The following KIAA1217 variants were observed in gnomAD, a reference collection of about 807,000 sequenced individuals.
KIAA1217 encodes KIAA1217, also known as sickle tail protein homolog.
In KIAA1217, 88 loss-of-function variants were observed where a neutral mutation model predicts 163.9. The ratio of observed to expected loss-of-function variants is 0.54; its 90% CI spans 0.45 to 0.64. The LOEUF (loss-of-function observed/expected upper bound fraction) is 0.64, where lower values mean the gene tolerates loss of function less well. Among genes scored for constraint, KIAA1217 ranks in the 30% least tolerant of loss-of-function variants. KIAA1217 has a pLI of 0.00. For synonymous variants in KIAA1217, 903 were observed against 923.1 expected, an observed-to-expected ratio of 0.98 and a Z score of 0.39; for missense variants, 2,372 against 2,475.0, an observed-to-expected ratio of 0.96 and a Z score of 0.88.
intron 1 of KIAA1217, among the ~76,000 whole-genome samples, chr10:23,719,599 T>TAAATAAATAAATAAACAAACAAACAAAC (rs1338495673): frequency 6.8e-6 from 1 of 147,742 alleles, no homozygotes; most frequent in African/African-American, 2.5e-5. Context: ...AATAAATAAA[T>TAAATAAATAAATAAACAAACAAACAAAC]AAATAAATAA....
chr10:23,746,302 C>T (rs1839413451), intron 1 of KIAA1217, among the ~76,000 whole-genome samples: 1 of 152,354 alleles, frequency 6.6e-6, no homozygotes, highest in Non-Finnish European at 1.5e-5. Context: ...TGAGTGGAAG[C>T]AGCTGAAGCT....
intron 10 of KIAA1217, among the ~76,000 whole-genome samples, chr10:24,519,005 T>C (rs534681198): frequency 3.3e-5 from 5 of 152,350 alleles, no homozygotes; most frequent in Admixed American, 3.3e-4. Context: ...ACATGTGGCA[T>C]CCTGCCTGAA....
At chr10:24,182,360 C>T (rs114652569) in intron 2 of KIAA1217, among the ~76,000 whole-genome samples, 2,265 of 151,358 alleles carry the variant, frequency 0.015, 61 homozygotes, top group African/African-American at 0.052. Context: ...CGCTTGAACC[C>T]GGGGAGGTGG....
intron 3 of KIAA1217, among the ~76,000 whole-genome samples, chr10:24,429,862 G>A (rs1182125347): frequency 6.6e-6 from 1 of 152,126 alleles, no homozygotes; most frequent in East Asian, 1.9e-4. Context: ...TGTTTGTCAG[G>A]CCAGACATGG....
intron 1 of KIAA1217, among the ~76,000 whole-genome samples, chr10:23,784,965 CTATCTCTGGGCT>C (rs1171173868): frequency 6.6e-6 from 1 of 152,092 alleles, no homozygotes; most frequent in Non-Finnish European, 1.5e-5. Flanking sequence ...AACAATTTTG[CTATCTCTGGGCT>C]TACTTCCTTT....
At chr10:24,315,319 C>T (rs2043212917) in intron 2 of KIAA1217, among the ~76,000 whole-genome samples, 1 of 152,182 alleles carries the variant, frequency 6.6e-6, no homozygotes, top group East Asian at 1.9e-4. Flanking sequence ...CCAAATTTCA[C>T]AGAATGATCT....
chr10:23,844,572 C>G (rs545614463), intron 1 of KIAA1217, among the ~76,000 whole-genome samples: 1 of 152,238 alleles, frequency 6.6e-6, no homozygotes, highest in Non-Finnish European at 1.5e-5. Context: ...AAGAATTTAG[C>G]TTCTGAATTT....
intron 2 of KIAA1217, among the ~76,000 whole-genome samples, chr10:24,262,486 G>A (rs2075820368): frequency 6.6e-6 from 1 of 152,250 alleles, no homozygotes; most frequent in African/African-American, 2.4e-5. Flanking sequence ...AATTAGCCGG[G>A]CGAGGTGGCG....
intron 2 of KIAA1217, among the ~76,000 whole-genome samples, chr10:24,039,334 C>G (rs1399007577): frequency 6.6e-6 from 1 of 151,458 alleles, no homozygotes; most frequent in Non-Finnish European, 1.5e-5. Flanking sequence ...AGGATTTTTT[C>G]ACTTTACAAT....
At chr10:24,225,677 A>C (rs550928522) in intron 2 of KIAA1217, among the ~76,000 whole-genome samples, 1 of 152,254 alleles carries the variant, frequency 6.6e-6, no homozygotes, top group African/African-American at 2.4e-5. Context: ...ACATATAAAG[A>C]ATAGTCTTTC....
chr10:24,214,336 A>T (rs2130742825), intron 1 of KIAA1217, among the ~76,000 whole-genome samples: 1 of 152,290 alleles, frequency 6.6e-6, no homozygotes, highest in East Asian at 1.9e-4. Flanking sequence ...GCACAGTGTG[A>T]TTTCTGTGGC....
intron 2 of KIAA1217, among the ~76,000 whole-genome samples, chr10:24,246,884 C>T (rs7071454): frequency 0.12 from 18,677 of 151,830 alleles, 1,980 homozygotes; most frequent in African/African-American, 0.25. Flanking sequence ...CACGGTGGTG[C>T]GCATCTGCAA....
intron 16 of KIAA1217, among the ~76,000 whole-genome samples, chr10:24,535,929 A>G (rs1359747458): frequency 6.6e-6 from 1 of 152,136 alleles, no homozygotes; most frequent in African/African-American, 2.4e-5. Flanking sequence ...TGAGAACAAC[A>G]GTATTTTTTT....
intron 1 of KIAA1217, among the ~76,000 whole-genome samples, chr10:23,920,726 T>G (rs1034197253): frequency 6.6e-6 from 1 of 152,184 alleles, no homozygotes; most frequent in Non-Finnish European, 1.5e-5. Flanking sequence ...ATAGCTCTAA[T>G]GGACAGAGTT....
At chr10:23,706,159 A>G (rs1217842700) in intron 1 of KIAA1217, among the ~76,000 whole-genome samples, 1 of 152,102 alleles carries the variant, frequency 6.6e-6, no homozygotes, top group African/African-American at 2.4e-5. Flanking sequence ...TTTTTGGTAG[A>G]TTTTTAAAGG....
chr10:24,500,397 C>CGTGTGT (rs10667719), intron 8 of KIAA1217, among the ~76,000 whole-genome samples: 24,379 of 125,648 alleles, frequency 0.19, 2,526 homozygotes, highest in Middle Eastern at 0.36. Context: ...AGAGTGTGTG[C>CGTGTGT]GTGTGTGTGT....
rs1012125050 is a variant in KIAA1217 at position 23,726,979 on chromosome 10, C to CTTT, written c.-321+31769_-321+31771dup. ...ATTTCCATGCCATTTGTATAGGCCT[C>CTTT]TTTTTTTTTTTTTTTTTTTTTTTTT... On this transcript the variant is annotated intron_variant, in intron 1 of 18. Coordinates refer to the KIAA1217 transcript ENST00000376462. Among the ~76,000 whole-genome samples the CTTT allele has an allele frequency of 6.5e-3, 609 of 93,410 alleles. 65 individuals are homozygous for CTTT. Among genetic ancestry groups the CTTT allele is most frequent in the African/African-American group, 0.014 (289 of 20,676 alleles). 61.3% of individuals were successfully genotyped at this position (93,410 alleles called of 152,430 possible).
At chr10:24,310,530 C>A (rs1159329119) in intron 2 of KIAA1217, among the ~76,000 whole-genome samples, 2 of 152,158 alleles carry the variant, frequency 1.3e-5, no homozygotes, top group Admixed American at 6.5e-5. Flanking sequence ...TTTCAGGAAA[C>A]AAAAGTTATA....
intron 3 of KIAA1217, among the ~76,000 whole-genome samples, chr10:24,415,688 A>G (rs1298510743): frequency 2.6e-5 from 4 of 151,956 alleles, no homozygotes; most frequent in Non-Finnish European, 5.9e-5. Context: ...ACTCACACAC[A>G]AGACTGTGAT....
Sources: allele counts gnomAD v4.1 joint callset (sites outside exome capture counted in the v4.1 genomes callset), GRCh38; gene constraint gnomAD v4.1.1; transcripts MANE v1.5; gene names NCBI Gene and HGNC (gene_info 2026-07-23, HGNC 2026-07-21).